Variants in HIVEP3 observed in about 807,000 individuals in gnomAD.
The protein encoded by HIVEP3 is HIVEP zinc finger 3, also known as transcription factor HIVEP3.
A neutral mutation model predicts 152.8 loss-of-function variants in HIVEP3; 49 were observed. That is an observed-to-expected ratio of 0.32 (90% CI 0.26 to 0.41). The LOEUF (loss-of-function observed/expected upper bound fraction) is 0.41, where lower values mean the gene tolerates loss of function less well. Ranked by LOEUF, HIVEP3 falls within the 10% of genes least tolerant of loss-of-function variation. The pLI is 1.00. For missense variants in HIVEP3, 2,790 were observed against 3,103.3 expected (o/e 0.90, Z 2.40); for synonymous variants, 1,269 against 1,289.0 (o/e 0.98, Z 0.33).
At chr1:41,579,033 C>T (rs951314752) in intron 4 of HIVEP3, among the ~76,000 whole-genome samples, 12 of 152,146 alleles carry the variant, frequency 7.9e-5, no homozygotes, top group Non-Finnish European at 1.5e-4. Context: ...TTTCAGGGGA[C>T]GAGTTCATTT....
At chr1:41,594,690 A>G (rs944810530) in intron 3 of HIVEP3, among the ~76,000 whole-genome samples, 13 of 152,074 alleles carry the variant, frequency 8.5e-5, no homozygotes, top group African/African-American at 2.7e-4. Context: ...TCTTCTCTTT[A>G]TCATTAGTCT....
rs146602974 is a variant in HIVEP3, at chr1:41,673,922, C to A, written c.-721+26994G>T. ...GTGTGGGACCTCCCTGAACCCCCAC[C>A]CCAGCCCGTGCAGAAGGTGGGGTTG... On this transcript the variant is annotated intron_variant, in intron 2 of 8. Coordinates refer to ENST00000372583, the MANE Select transcript of HIVEP3 (RefSeq NM_024503.5). Among the ~76,000 whole-genome samples the A allele has an allele frequency of 8.5e-4, 130 of 152,310 alleles. 1 individual carries two copies. In the Middle Eastern group the frequency reaches 0.017, roughly 20 times the overall value.
intron 1 of HIVEP3, among the ~76,000 whole-genome samples, chr1:42,001,600 C>T (rs75005525): frequency 0.014 from 2,168 of 152,238 alleles, 50 homozygotes; most frequent in African/African-American, 0.05. Context: ...GGCTGGGCCC[C>T]GAAGACACAG....
chr1:41,523,896 A>G (rs543078433), intron 6 of HIVEP3, among the ~76,000 whole-genome samples: 1 of 152,332 alleles, frequency 6.6e-6, no homozygotes, highest in South Asian at 2.1e-4. Flanking sequence ...GTCTCCCTCC[A>G]AGGCGCTTCA....
At chr1:41,667,273 G>A (rs932718954) in intron 2 of HIVEP3, among the ~76,000 whole-genome samples, 4 of 152,228 alleles carry the variant, frequency 2.6e-5, no homozygotes, top group African/African-American at 9.6e-5. Flanking sequence ...CATCCTGCCT[G>A]GTAACCAGCA....
intron 1 of HIVEP3, among the ~76,000 whole-genome samples, chr1:41,814,962 A>G (rs1221859529): frequency 1.3e-5 from 2 of 152,236 alleles, no homozygotes; most frequent in African/African-American, 4.8e-5. Context: ...AGTAATCAGG[A>G]CAGATAAGGT....
intron 1 of HIVEP3, among the ~76,000 whole-genome samples, chr1:41,804,099 C>A (rs752794066): frequency 3.4e-4 from 52 of 152,114 alleles, no homozygotes; most frequent in Admixed American, 2.6e-3. Context: ...GATCTCAAAT[C>A]TTTATTTGGA....
chr1:41,636,831 T>C (rs527401814), intron 2 of HIVEP3, among the ~76,000 whole-genome samples: 1 of 152,078 alleles, frequency 6.6e-6, no homozygotes, highest in African/African-American at 2.4e-5. Flanking sequence ...TGGTGGCACA[T>C]GCCTGTAATC....
intron 1 of HIVEP3, among the ~76,000 whole-genome samples, chr1:42,016,261 A>G (rs747514672): frequency 2.6e-5 from 4 of 152,218 alleles, no homozygotes; most frequent in Non-Finnish European, 5.9e-5. Flanking sequence ...TGTTCTGTAT[A>G]CAAACGAAAT....
intron 3 of HIVEP3, among the ~76,000 whole-genome samples, chr1:41,588,666 T>C (rs1644541384): frequency 6.6e-6 from 1 of 152,060 alleles, no homozygotes; most frequent in Non-Finnish European, 1.5e-5. Flanking sequence ...AGAGGCCTCC[T>C]ACCCACACTT....
chr1:41,553,304 G>A lies in HIVEP3; in HGVS notation c.5207+22240C>T, dbSNP rs143383292. On this transcript the variant is annotated intron_variant, in intron 5 of 8. Coordinates refer to ENST00000372583, the MANE Select transcript of HIVEP3 (RefSeq NM_024503.5). ...TGTTGGTTTAAAGTCTGTTTTATCAGAGACTAGGATTGCAACCCCTGCTTT... is the reference window on the plus strand; with the variant it reads ...TGTTGGTTTAAAGTCTGTTTTATCAAAGACTAGGATTGCAACCCCTGCTTT... Among the ~76,000 whole-genome samples the A allele has an allele frequency of 5.4e-3, 819 of 152,238 alleles. 7 individuals carry two copies. Among genetic ancestry groups the A allele is most frequent in the African/African-American group, 0.018 (761 of 41,536 alleles).
intron 3 of HIVEP3, among the ~76,000 whole-genome samples, chr1:41,593,681 T>C (rs563108533): frequency 1.3e-5 from 2 of 152,384 alleles, no homozygotes; most frequent in African/African-American, 2.4e-5. Flanking sequence ...ATAAACTGTC[T>C]CTTTAACATT....
intron 1 of HIVEP3, among the ~76,000 whole-genome samples, chr1:41,794,001 G>A (rs886215413): frequency 6.6e-6 from 1 of 152,170 alleles, no homozygotes; most frequent in Non-Finnish European, 1.5e-5. Flanking sequence ...ATTGTCTCCA[G>A]TCTCTTAATA....
chr1:41,787,335 T>C (rs1434066291), intron 1 of HIVEP3, among the ~76,000 whole-genome samples: 1 of 152,132 alleles, frequency 6.6e-6, no homozygotes, highest in Non-Finnish European at 1.5e-5. Flanking sequence ...AGCTTTTAAA[T>C]GTAAATGTAA....
rs374566917 is a variant in HIVEP3 at position 41,510,930 on chromosome 1, C to T, written c.6742G>A (p.Glu2248Lys). ...GGCGACACGGAGGCTGACGAGCTCT[C>T]AGTGGGACTCCAGCGGCCTCGCTCC... ...AQERGRWSPTESSSASVSPVA... is the reference protein window; with the variant it reads ...AQERGRWSPTKSSSASVSPVA... Residue 2248 changes from glutamate to lysine, a missense_variant, in exon 9 of 9, where the codon GAG becomes AAG. Glu to Lys is a moderately conservative substitution (Grantham distance 56, BLOSUM62 1). This residue lies in a region of HIVEP3 where 816 missense variants were observed against 806.5 expected (regional missense o/e 1.01). Coordinates refer to ENST00000372583, the MANE Select transcript of HIVEP3 (RefSeq NM_024503.5). 1.2e-6 allele frequency: 2 copies of T among 1,613,592 alleles called. No homozygotes were observed. Among genetic ancestry groups the T allele is most frequent in the Admixed American group, 3.3e-5 (2 of 60,028 alleles).
intron 1 of HIVEP3, among the ~76,000 whole-genome samples, chr1:41,883,487 T>C (rs772176829): frequency 6.6e-6 from 1 of 152,180 alleles, no homozygotes; most frequent in Non-Finnish European, 1.5e-5. Flanking sequence ...TCCTGCGAAA[T>C]GCTTGTGAGG....
Position 42,027,458 on chromosome 1 carries a change from G to A in HIVEP3, n.119+8349C>T, listed in dbSNP as rs570448957. Among the ~76,000 whole-genome samples the A allele has an allele frequency of 1.1e-4, 16 of 152,184 alleles. No individual in the cohort carries two copies. In the South Asian group the frequency reaches 2.1e-3, roughly 20 times the overall value. On this transcript the variant is annotated intron_variant and non_coding_transcript_variant, in intron 1 of 3. Transcript: ENST00000489103. ...TCAAAATCTTCTAATAGCTTCTCAC[G>A]TCACTCAGAATAAAATCCAAAGTCT...
At chr1:41,872,534 C>A (rs894002929) in intron 1 of HIVEP3, among the ~76,000 whole-genome samples, 1 of 151,968 alleles carries the variant, frequency 6.6e-6, no homozygotes, top group Non-Finnish European at 1.5e-5. Flanking sequence ...CACTCTTTCT[C>A]GGTTAATCCC....
intron 1 of HIVEP3, among the ~76,000 whole-genome samples, chr1:41,896,506 G>A (rs1005646826): frequency 6.6e-6 from 1 of 152,064 alleles, no homozygotes; most frequent in Non-Finnish European, 1.5e-5. Flanking sequence ...TCAAGTCTGT[G>A]AGTGAGGCCC....
Sources: allele counts gnomAD v4.1 joint callset (sites outside exome capture counted in the v4.1 genomes callset), GRCh38; gene constraint gnomAD v4.1.1; regional missense constraint gnomAD v4.1.1; transcripts MANE v1.5; gene names NCBI Gene and HGNC (gene_info 2026-07-23, HGNC 2026-07-21).